Variants in PLPPR1 observed in about 807,000 individuals in gnomAD.
The protein encoded by PLPPR1 is phospholipid phosphatase-related protein type 1.
PLPPR1 carries 10 observed loss-of-function variants against 33.1 expected under a neutral mutation model. The ratio of observed to expected loss-of-function variants is 0.30; its 90% CI spans 0.19 to 0.51. The LOEUF is 0.51. Among genes scored for constraint, PLPPR1 ranks in the 20% least tolerant of loss-of-function variants. The pLI, the probability that PLPPR1 is intolerant of heterozygous loss-of-function variation, is 0.97. For synonymous variants in PLPPR1, 151 were observed against 151.0 expected, an observed-to-expected ratio of 1.00 and a Z score of 0.00; for missense variants, 304 against 408.1, an observed-to-expected ratio of 0.74 and a Z score of 2.20.
chr9:101,088,362 A>G (rs1015261344), intron 1 of PLPPR1, among the ~76,000 whole-genome samples: 1 of 152,150 alleles, frequency 6.6e-6, no homozygotes, highest in Admixed American at 6.6e-5. Context: ...CATGATGTAC[A>G]CCTTAAATGT....
intron 1 of PLPPR1, among the ~76,000 whole-genome samples, chr9:101,178,122 G>C (rs902075938): frequency 1.3e-5 from 2 of 152,206 alleles, no homozygotes; most frequent in Non-Finnish European, 2.9e-5. Flanking sequence ...TAATGATCAA[G>C]TGGATAGAAT....
intron 1 of PLPPR1, among the ~76,000 whole-genome samples, chr9:101,108,297 T>C (rs1239865363): frequency 6.6e-6 from 1 of 152,206 alleles, no homozygotes; most frequent in South Asian, 2.1e-4. Flanking sequence ...AATTGATCTG[T>C]CTATGGACCA....
At chr9:101,144,412 T>C (rs1216076328) in intron 1 of PLPPR1, among the ~76,000 whole-genome samples, 4 of 152,050 alleles carry the variant, frequency 2.6e-5, no homozygotes, top group African/African-American at 7.2e-5. Flanking sequence ...TAAAGTATAA[T>C]AATAAAGAAG....
At chr9:101,281,342 T>C (rs192087415) in intron 3 of PLPPR1, among the ~76,000 whole-genome samples, 1 of 152,118 alleles carries the variant, frequency 6.6e-6, no homozygotes. Context: ...CCAAAAGTGA[T>C]CCACAGATTC....
chr9:101,073,180 A>T (rs959759489), intron 1 of PLPPR1, among the ~76,000 whole-genome samples: 3 of 152,112 alleles, frequency 2.0e-5, no homozygotes, highest in African/African-American at 4.8e-5. Context: ...TAAAACTCTA[A>T]TTTTTGCTGT....
chr9:101,316,164 C>T (rs926224097), intron 6 of PLPPR1, among the ~76,000 whole-genome samples: 5 of 152,034 alleles, frequency 3.3e-5, no homozygotes, highest in East Asian at 1.9e-4. Flanking sequence ...TCCTCGGGCG[C>T]GGTGGCTCAC....
At chr9:101,140,436 G>A (rs901579741) in intron 1 of PLPPR1, among the ~76,000 whole-genome samples, 1 of 152,082 alleles carries the variant, frequency 6.6e-6, no homozygotes, top group East Asian at 1.9e-4. Context: ...GGTGGAAATC[G>A]GTATGCAAAA....
chr9:101,040,232 G>GT (rs761787233), intron 1 of PLPPR1, among the ~76,000 whole-genome samples: 1 of 152,104 alleles, frequency 6.6e-6, no homozygotes, highest in African/African-American at 2.4e-5. Context: ...AGTTAAATAT[G>GT]TTTTTTCAAG....
intron 1 of PLPPR1, among the ~76,000 whole-genome samples, chr9:101,143,971 A>G (rs1831489202): frequency 6.6e-6 from 1 of 152,216 alleles, no homozygotes; most frequent in South Asian, 2.1e-4. Context: ...CTATAAAGAC[A>G]CATGCACACG....
chr9:101,306,100 T>A (rs948459112), intron 4 of PLPPR1, among the ~76,000 whole-genome samples: 2 of 152,132 alleles, frequency 1.3e-5, no homozygotes, highest in Admixed American at 6.6e-5. Context: ...AGACACCAAT[T>A]TTTTTTGTCC....
chr9:101,111,665 C>T (rs185347055), intron 1 of PLPPR1, among the ~76,000 whole-genome samples: 1 of 152,312 alleles, frequency 6.6e-6, no homozygotes, highest in Non-Finnish European at 1.5e-5. Flanking sequence ...CTATGAAGCA[C>T]TGTCAGTTAC....
At chr9:101,280,712 A>T (rs1203534294) in intron 3 of PLPPR1, among the ~76,000 whole-genome samples, 1 of 152,168 alleles carries the variant, frequency 6.6e-6, no homozygotes, top group Non-Finnish European at 1.5e-5. Context: ...ATTTGATAAA[A>T]TTCAGCATCC....
At chr9:101,181,148 TTAGA>T (rs1588060797) in intron 1 of PLPPR1, among the ~76,000 whole-genome samples, 1 of 147,614 alleles carries the variant, frequency 6.8e-6, no homozygotes, top group Middle Eastern at 3.6e-3. Context: ...CTAATATATA[TTAGA>T]TATGTAATAT....
At chr9:101,101,027 A>G (rs1031337973) in intron 1 of PLPPR1, among the ~76,000 whole-genome samples, 1 of 152,168 alleles carries the variant, frequency 6.6e-6, no homozygotes, top group African/African-American at 2.4e-5. Flanking sequence ...GCCTTAAGAA[A>G]TGCACACCCA....
intron 2 of PLPPR1, among the ~76,000 whole-genome samples, chr9:101,234,278 AAGG>A (rs1827250108): frequency 6.6e-6 from 1 of 151,918 alleles, no homozygotes; most frequent in African/African-American, 2.4e-5. Context: ...TAGAAAGTAT[AAGG>A]AGAAGAGGGT....
chr9:101,174,385 G>A (rs563371700), intron 1 of PLPPR1, among the ~76,000 whole-genome samples: 6 of 152,136 alleles, frequency 3.9e-5, no homozygotes, highest in Non-Finnish European at 8.8e-5. Context: ...GCAATTTGTA[G>A]CTTCCTTAAA....
chr9:101,078,130 A>C (rs1288999345), intron 1 of PLPPR1, among the ~76,000 whole-genome samples: 1 of 13,154 alleles, frequency 7.6e-5, no homozygotes, highest in African/African-American at 3.3e-4. Flanking sequence ...AAGAAGAAGA[A>C]GAAGAAGAAG....
intron 2 of PLPPR1, among the ~76,000 whole-genome samples, chr9:101,237,078 T>G (rs1415365773): frequency 6.6e-6 from 1 of 151,740 alleles, no homozygotes; most frequent in Non-Finnish European, 1.5e-5. Context: ...ATGCTCAACA[T>G]CACAAATCAT....
intron 2 of PLPPR1, among the ~76,000 whole-genome samples, chr9:101,246,107 T>TATATATAG (rs1827606259): frequency 3.1e-5 from 3 of 98,338 alleles, no homozygotes; most frequent in Non-Finnish European, 4.6e-5. Context: ...TATATATATA[T>TATATATAG]ATAGATAGAT....
Sources: gnomAD v4.1 joint callset for allele counts (sites outside exome capture counted in the v4.1 genomes callset) on GRCh38, gnomAD v4.1.1 for gene constraint, MANE v1.5 for transcripts, NCBI Gene and HGNC (gene_info 2026-07-23, HGNC 2026-07-21) for gene names.